Variants in CCNJ observed in about 807,000 individuals in gnomAD.
The protein encoded by CCNJ is cyclin J.
A neutral mutation model predicts 41.4 loss-of-function variants in CCNJ; 12 were observed. The observed-to-expected ratio is 0.29, with a 90% CI of 0.19 to 0.47. The LOEUF (loss-of-function observed/expected upper bound fraction) is 0.47, where lower values mean the gene tolerates loss of function less well. CCNJ is among the 20% of genes least tolerant of loss of function. The probability of loss-of-function intolerance (pLI) is 1.00; values close to 1 mark genes in which losing one functional copy is unlikely to be tolerated. For missense variants in CCNJ, 340 were observed against 464.6 expected (o/e 0.73, Z 2.47); for synonymous variants, 161 against 173.4 (o/e 0.93, Z 0.56).
At position 96,043,626 on chromosome 10, in the gene CCNJ, G is replaced by C; in HGVS notation, c.-135G>C. The C allele has an allele frequency of 2.5e-6, 1 of 395,214 alleles. No individual in the cohort carries two copies. The highest frequency in any genetic ancestry group is 4.5e-6 in the Non-Finnish European group (1 of 223,760). The allele number at this position is 395,214 out of a possible 1,614,324, so 24.5% of individuals were successfully genotyped here. On this transcript the variant is annotated 5_prime_UTR_variant, in exon 1 of 6. Transcript: ENST00000465148. Reference sequence around the variant, plus strand: ...CGTCCAGGCGCTGGGCTCTAGCTGAGGCCGGCGCTTAGCGGCCCACTGTCC... The same window carrying C: ...CGTCCAGGCGCTGGGCTCTAGCTGACGCCGGCGCTTAGCGGCCCACTGTCC...
rs964154194 is a variant in CCNJ, at chr10:96,060,283, G to C, written c.*2042G>C. On this transcript the variant is annotated 3_prime_UTR_variant, in exon 6 of 6. Transcript: ENST00000465148. ...CAACTTGAAACAACAGCCAGTGCCT[G>C]TGGTAACTTAATGTCTTGTCAAATA... The C allele has an allele frequency of 1.3e-5, 2 of 152,642 alleles. No individual in the cohort carries two copies. The highest frequency in any genetic ancestry group is 6.5e-5 in the Admixed American group (1 of 15,278). The allele number at this position is 152,642 out of a possible 1,614,324, so 9.5% of individuals were successfully genotyped here.
chr10:96,054,757 A>G (rs113375606), intron 3 of CCNJ, among the ~76,000 whole-genome samples: 2 of 152,130 alleles, frequency 1.3e-5, no homozygotes, highest in Admixed American at 6.5e-5. Flanking sequence ...GTCATATGCA[A>G]TTTTTTTTCC....
At chr10:96,050,229 G>A (rs780048796) in intron 2 of CCNJ, 27 bp from the exon 3 acceptor site, 1 of 1,504,022 alleles carries the variant, frequency 6.6e-7, no homozygotes, top group Non-Finnish European at 9.3e-7. Context: ...AGATAGGTCA[G>A]ACTAAATGTT....
At chr10:96,048,926 A>G (rs1304218043) in intron 2 of CCNJ, among the ~76,000 whole-genome samples, 1 of 152,082 alleles carries the variant, frequency 6.6e-6, no homozygotes, top group African/African-American at 2.4e-5. Flanking sequence ...AGTTCTTTTG[A>G]GTATGTACCT....
At chr10:96,046,976 T>TA (rs1328908754) in intron 2 of CCNJ, among the ~76,000 whole-genome samples, 4 of 152,180 alleles carry the variant, frequency 2.6e-5, no homozygotes. Flanking sequence ...AGGGAGTCTT[T>TA]AAGACCATGT....
At chr10:96,051,153 G>A (rs1267640392) in intron 3 of CCNJ, among the ~76,000 whole-genome samples, 4 of 152,188 alleles carry the variant, frequency 2.6e-5, no homozygotes, top group African/African-American at 7.2e-5. Context: ...TTATGCATTA[G>A]ACCAACTGTG....
In CCNJ at chr10:96,056,816, A is replaced by G; in HGVS notation, c.396A>G (p.Leu132=). The G allele has an allele frequency of 5.6e-6, 9 of 1,614,070 alleles. No homozygotes were observed. Among genetic ancestry groups the G allele is most frequent in the Non-Finnish European group, 7.6e-6 (9 of 1,179,928 alleles). The change falls in exon 4 of 6, where the codon CTA becomes CTG. Residue 132 remains leucine, a synonymous_variant. Coordinates refer to ENST00000465148, the MANE Select transcript of CCNJ (RefSeq NM_001134375.2). Reference sequence around the variant, plus strand: ...AACAAAATTTGCTACATATGGAACTATTATTATTAGAAACCTTTCAGTGGA... The same window carrying G: ...AACAAAATTTGCTACATATGGAACTGTTATTATTAGAAACCTTTCAGTGGA... The part of the protein sequence containing the change: ...LTKQNLLHME[L]LLLETFQWNL...
chr10:96,048,473 C>T (rs2080425441), intron 2 of CCNJ, among the ~76,000 whole-genome samples: 1 of 152,162 alleles, frequency 6.6e-6, no homozygotes, highest in Admixed American at 6.5e-5. Context: ...ACCATTCTAA[C>T]CATTTTTAAC....
At chr10:96,048,258 T>C (rs1438734286) in intron 2 of CCNJ, among the ~76,000 whole-genome samples, 1 of 152,148 alleles carries the variant, frequency 6.6e-6, no homozygotes, top group Non-Finnish European at 1.5e-5. Flanking sequence ...CATGCATGTG[T>C]CTTTATAGTA....
intron 3 of CCNJ, among the ~76,000 whole-genome samples, chr10:96,051,252 T>C (rs1434003853): frequency 6.6e-6 from 1 of 152,212 alleles, no homozygotes; most frequent in African/African-American, 2.4e-5. Context: ...TCTTTCTCTT[T>C]ACATCTTCCT....
Position 96,057,160 on chromosome 10 carries a change from G to C in CCNJ, c.653G>C (p.Arg218Pro), listed in dbSNP as rs192280255. Reference protein sequence around the residue: ...ACVASSRIILRLSPTWPTRLH... With the variant: ...ACVASSRIILPLSPTWPTRLH... ...GTGGCTTCTTCGAGGATTATACTTC[G>C]TCTTTCTCCAACGTGGCCTACAAGA... The change falls in exon 5 of 6, where the codon CGT (arginine) becomes CCT (proline). Residue 218 changes from arginine to proline, a missense_variant. Coordinates refer to ENST00000465148, the MANE Select transcript of CCNJ (RefSeq NM_001134375.2). The C allele has an allele frequency of 1.9e-6, 3 of 1,613,780 alleles. No individual in the cohort carries two copies. Among genetic ancestry groups the C allele is most frequent in the African/African-American group, 2.7e-5 (2 of 74,888 alleles).
Position 96,057,962 on chromosome 10 carries a change from CCATCAGACA to C in CCNJ, c.882_890del (p.His295_Thr297del), listed in dbSNP as rs1564708486. ...TTCACTTTCAGCAACCTCAGTATCT[CCATCAGACA>C]CATCAGACCTCACTGCAGTATCGCC... On this transcript the variant is annotated inframe_deletion, in exon 6 of 6. Transcript: ENST00000465148. The C allele has an allele frequency of 6.8e-6, 11 of 1,614,178 alleles. No individual in the cohort carries two copies. The highest frequency in any genetic ancestry group is 8.5e-6 in the Non-Finnish European group (10 of 1,180,030).
chr10:96,055,743 C>A (rs1253411858), intron 3 of CCNJ, among the ~76,000 whole-genome samples: 1 of 152,158 alleles, frequency 6.6e-6, no homozygotes, highest in African/African-American at 2.4e-5. Context: ...GTCTTTACTC[C>A]TATTCTGCTT....
intron 3 of CCNJ, 144 bp downstream of exon 3, chr10:96,050,610 C>A: frequency 1.5e-6 from 1 of 658,136 alleles, no homozygotes; most frequent in Non-Finnish European, 2.6e-6. Context: ...AAGTGCTTCT[C>A]AGTGTAATAA....
rs375543255 is a variant in CCNJ, at chr10:96,046,812, G to A, written c.69+2350G>A. Among the ~76,000 whole-genome samples, 92 of 152,304 alleles carry A rather than the reference G, an allele frequency of 6.0e-4. No individual in the cohort carries two copies. The South Asian group carries it at 0.018, about 30-fold the overall frequency. ...AGCAGCTGTCACCTTACACCCTTTT[G>A]TCTCCTTTCTTCTCATTATTTTGCT... On this transcript the variant is annotated intron_variant, in intron 2 of 5. Transcript: ENST00000465148.
At chr10:96,043,904 G>C (rs1232747793) in intron 1 of CCNJ, among the ~76,000 whole-genome samples, 185 bp downstream of exon 1, 5 of 152,204 alleles carry the variant, frequency 3.3e-5, no homozygotes, top group Non-Finnish European at 7.4e-5. Context: ...TCCATGCGGA[G>C]ACCCGCGGCC....
In CCNJ at chr10:96,060,421, T is replaced by A. The variant is rs1345565987; in HGVS notation, c.*2180T>A. The A allele has an allele frequency of 1.3e-5, 2 of 152,642 alleles. No homozygotes were observed. The highest frequency in any genetic ancestry group is 4.8e-5 in the African/African-American group (2 of 41,446). The allele number at this position is 152,642 out of a possible 1,614,324, so 9.5% of individuals were successfully genotyped here. ...TTTTAAAAAGCTAAAGAACACTGGA[T>A]TAATAATCTTTTGGGAGGGTAGAAT... On this transcript the variant is annotated 3_prime_UTR_variant, in exon 6 of 6. Transcript: ENST00000465148.
chr10:96,049,555 TGATACCTGTTGG>T (rs1321435879), intron 2 of CCNJ, among the ~76,000 whole-genome samples: 1 of 150,630 alleles, frequency 6.6e-6, no homozygotes, highest in Non-Finnish European at 1.5e-5. Context: ...TCTTCTATTG[TGATACCTGTTGG>T]GTTTAGTATC....
At chr10:96,054,250 A>C (rs2080614559) in intron 3 of CCNJ, among the ~76,000 whole-genome samples, 2 of 152,154 alleles carry the variant, frequency 1.3e-5, no homozygotes, top group African/African-American at 2.4e-5. Context: ...ATTTCCTTTC[A>C]ATTGAAGAAA....
Sources: gnomAD v4.1 joint callset for allele counts (sites outside exome capture counted in the v4.1 genomes callset) on GRCh38, gnomAD v4.1.1 for gene constraint, MANE v1.5 for transcripts, NCBI Gene and HGNC (gene_info 2026-07-23, HGNC 2026-07-21) for gene names.